The following ME1 variants were observed in gnomAD, a reference collection of about 807,000 sequenced individuals.
The protein encoded by ME1 is malic enzyme 1, also known as NADP-dependent malic enzyme.
In ME1, 74 loss-of-function variants were observed where a neutral mutation model predicts 66.4. The observed-to-expected ratio is 1.11, with a 90% CI of 0.92 to 1.35. ME1 has a LOEUF of 1.35. ME1 is among the 40% of genes most tolerant of loss of function. ME1 has a pLI of 0.00. For missense variants in ME1, 750 were observed against 694.1 expected (o/e 1.08, Z -0.90); for synonymous variants, 251 against 235.6 (o/e 1.07, Z -0.60).
intron 6 of ME1, among the ~76,000 whole-genome samples, chr6:83,307,226 G>GA (rs149687637): frequency 1.7e-3 from 243 of 146,800 alleles, no homozygotes; most frequent in African/African-American, 5.2e-3. Context: ...TTGTTCACTT[G>GA]AAAAAAAAAA....
At chr6:83,370,367 T>C (rs1166357721) in intron 3 of ME1, among the ~76,000 whole-genome samples, 1 of 152,204 alleles carries the variant, frequency 6.6e-6, no homozygotes, top group African/African-American at 2.4e-5. Context: ...GCTTGCTTTT[T>C]CTAAACTCCC....
intron 3 of ME1, among the ~76,000 whole-genome samples, chr6:83,354,315 T>C (rs1161895730): frequency 1.3e-5 from 2 of 151,990 alleles, no homozygotes; most frequent in Admixed American, 6.6e-5. Context: ...TTAGTAGACA[T>C]GAGATGGGGT....
At chr6:83,314,083 T>C (rs947351665) in intron 6 of ME1, among the ~76,000 whole-genome samples, 4 of 152,202 alleles carry the variant, frequency 2.6e-5, no homozygotes, top group Non-Finnish European at 4.4e-5. Context: ...TGTTTTTAAA[T>C]AGTATGTGGT....
chr6:83,419,581 G>C (rs1428715607), intron 1 of ME1, among the ~76,000 whole-genome samples: 1 of 152,170 alleles, frequency 6.6e-6, no homozygotes, highest in African/African-American at 2.4e-5. Context: ...GTTGCCTTTA[G>C]GGAGGGGAAC....
chr6:83,270,640 A>G (rs1377112419), intron 6 of ME1, among the ~76,000 whole-genome samples: 2 of 152,172 alleles, frequency 1.3e-5, no homozygotes, highest in African/African-American at 4.8e-5. Context: ...AAAGCAAAAC[A>G]GAGGGGTTTC....
intron 5 of ME1, among the ~76,000 whole-genome samples, chr6:83,327,586 T>C (rs1302752068): frequency 6.6e-6 from 1 of 152,186 alleles, no homozygotes; most frequent in Non-Finnish European, 1.5e-5. Context: ...GTCAGACCAG[T>C]TGATCTCAAA....
chr6:83,343,005 G>A (rs537610456), intron 5 of ME1, among the ~76,000 whole-genome samples: 2 of 152,116 alleles, frequency 1.3e-5, no homozygotes, highest in Non-Finnish European at 2.9e-5. Flanking sequence ...TCATTTCTAT[G>A]TGTTGGTAGC....
chr6:83,226,303 G>A (rs1391965568), intron 11 of ME1, among the ~76,000 whole-genome samples: 1 of 152,138 alleles, frequency 6.6e-6, no homozygotes, highest in Non-Finnish European at 1.5e-5. Context: ...GTGTGTTATA[G>A]ATAAGTCTCT....
chr6:83,228,103 G>C (rs906563294), intron 10 of ME1, among the ~76,000 whole-genome samples: 1 of 152,136 alleles, frequency 6.6e-6, no homozygotes, highest in African/African-American at 2.4e-5. Flanking sequence ...AGAGCTTGTA[G>C]GAATGGAGTA....
intron 7 of ME1, among the ~76,000 whole-genome samples, chr6:83,244,847 CA>C (rs1740578992): frequency 6.6e-6 from 1 of 151,920 alleles, no homozygotes; most frequent in Admixed American, 6.6e-5. Context: ...TTATAACACA[CA>C]TTGACAGAGA....
chr6:83,351,560 T>C (rs1472856455), intron 4 of ME1, among the ~76,000 whole-genome samples: 1 of 152,160 alleles, frequency 6.6e-6, no homozygotes, highest in Non-Finnish European at 1.5e-5. Flanking sequence ...CAATTATTAT[T>C]ATTATAAGAG....
intron 7 of ME1, 96 bp downstream of exon 7, chr6:83,253,533 G>T: frequency 1.7e-6 from 1 of 588,850 alleles, no homozygotes; most frequent in South Asian, 2.6e-5. Context: ...AATTTAAAAG[G>T]TACTCAGTAT....
Position 83,405,783 on chromosome 6 carries a change from G to A in ME1, c.212+1985C>T, listed in dbSNP as rs540901539. Among the ~76,000 whole-genome samples, 150 of 148,786 alleles carry A rather than the reference G, an allele frequency of 1.0e-3. 1 individual carries two copies. The highest frequency in any genetic ancestry group is 3.4e-3 in the African/African-American group (136 of 40,266). ...GTCGCCCAGGCTGGAGTGCAGTGGC[G>A]GGATCTCGGCTCACTGCAAGCTCCG... On this transcript the variant is annotated intron_variant, in intron 2 of 13. Coordinates refer to ENST00000369705, the MANE Select transcript of ME1 (RefSeq NM_002395.6).
At chr6:83,357,527 A>C (rs191979332) in intron 3 of ME1, among the ~76,000 whole-genome samples, 3 of 152,180 alleles carry the variant, frequency 2.0e-5, no homozygotes, top group African/African-American at 7.2e-5. Flanking sequence ...TGTGATGGTT[A>C]ATACTGATTG....
chr6:83,290,183 T>C (rs1483797559), intron 6 of ME1, among the ~76,000 whole-genome samples: 4 of 152,172 alleles, frequency 2.6e-5, no homozygotes, highest in African/African-American at 9.7e-5. Context: ...TTGAATATGT[T>C]TGCTCTTGCT....
In ME1 at chr6:83,311,859, G is replaced by C. The variant is rs1025071870; in HGVS notation, c.704+3451C>G. On this transcript the variant is annotated intron_variant, in intron 6 of 13. Transcript: ENST00000369705. ...TGGCTAACCCACAAAATGTTTTTGAGATAATTAACGGAATCTTGCATCCCT... is the reference window on the plus strand; with the variant it reads ...TGGCTAACCCACAAAATGTTTTTGACATAATTAACGGAATCTTGCATCCCT... Among the ~76,000 whole-genome samples the C allele has an allele frequency of 4.6e-5, 7 of 152,194 alleles. No homozygotes were observed. In the South Asian group the frequency reaches 1.2e-3, roughly 27 times the overall value.
chr6:83,306,930 G>A (rs1767834681), intron 6 of ME1, among the ~76,000 whole-genome samples: 2 of 152,044 alleles, frequency 1.3e-5, no homozygotes. Flanking sequence ...TAAAGGAATG[G>A]TGGAATTAAT....
rs369876794 is a variant in ME1, at chr6:83,227,326, T to C, written c.1275+9A>G. On this transcript the variant is annotated intron_variant, in intron 11 of 13. Coordinates refer to ENST00000369705, the MANE Select transcript of ME1 (RefSeq NM_002395.6). ...GATTATTAAAATATCTGTTATAGTTTTACTTTACCTTGGTTATTTTGTAGC... is the reference window on the plus strand; with the variant it reads ...GATTATTAAAATATCTGTTATAGTTCTACTTTACCTTGGTTATTTTGTAGC... The C allele has an allele frequency of 4.0e-6, 6 of 1,508,726 alleles. No homozygotes were observed. In the African/African-American group the frequency reaches 7.0e-5, roughly 17 times the overall value. 93.5% of individuals were successfully genotyped at this position (1,508,726 alleles called of 1,614,324 possible).
At chr6:83,260,397 T>G (rs1460105322) in intron 6 of ME1, among the ~76,000 whole-genome samples, 4 of 152,216 alleles carry the variant, frequency 2.6e-5, no homozygotes, top group Non-Finnish European at 4.4e-5. Flanking sequence ...CTTGTGATTT[T>G]AATTTTATTA....
Sources: gnomAD v4.1 joint callset for allele counts (sites outside exome capture counted in the v4.1 genomes callset) on GRCh38, gnomAD v4.1.1 for gene constraint, MANE v1.5 for transcripts, NCBI Gene and HGNC (gene_info 2026-07-23, HGNC 2026-07-21) for gene names.